Variants in CRADD observed in about 807,000 individuals in gnomAD.
CRADD encodes death domain-containing protein CRADD.
A neutral mutation model predicts 15.5 loss-of-function variants in CRADD; 9 were observed. The observed-to-expected ratio is 0.58, with a 90% CI of 0.35 to 1.01. The LOEUF is 1.01. Among genes scored for constraint, CRADD ranks in the 50% least tolerant of loss-of-function variants. CRADD has a pLI of 0.02. For missense variants in CRADD, 227 were observed against 250.3 expected, an observed-to-expected ratio of 0.91 and a Z score of 0.63; for synonymous variants, 118 against 107.6, an observed-to-expected ratio of 1.10 and a Z score of -0.60.
intron 2 of CRADD, among the ~76,000 whole-genome samples, chr12:93,720,073 A>G (rs1418348848): frequency 2.6e-5 from 4 of 152,074 alleles, no homozygotes; most frequent in Admixed American, 1.3e-4. Flanking sequence ...TTGCATCCAA[A>G]TCCTATGCAT....
At chr12:93,817,342 G>A (rs933182776) in intron 2 of CRADD, among the ~76,000 whole-genome samples, 1 of 152,154 alleles carries the variant, frequency 6.6e-6, no homozygotes, top group Non-Finnish European at 1.5e-5. Context: ...AGTCGGGTTC[G>A]GGACAGGGAA....
chr12:93,702,431 A>G (rs771774170), intron 2 of CRADD, among the ~76,000 whole-genome samples: 1 of 151,924 alleles, frequency 6.6e-6, no homozygotes. Flanking sequence ...AGATTTCCCC[A>G]GATCTTAGTT....
chr12:93,865,996 T>C (rs4761747), intron 2 of CRADD, among the ~76,000 whole-genome samples: 80,939 of 151,870 alleles, frequency 0.53, 21,804 homozygotes, highest in Middle Eastern at 0.62. Context: ...TTTCTAGCAT[T>C]ATTGAGAAGA....
chr12:93,750,407 T>G (rs372893199), intron 2 of CRADD, among the ~76,000 whole-genome samples: 1 of 152,260 alleles, frequency 6.6e-6, no homozygotes. Context: ...TCATTTTAGA[T>G]GTTAACTTAG....
chr12:93,718,971 G>C (rs1956212406), intron 2 of CRADD, among the ~76,000 whole-genome samples: 1 of 152,106 alleles, frequency 6.6e-6, no homozygotes, highest in East Asian at 1.9e-4. Flanking sequence ...TGTTGCCCAG[G>C]CTGGTCTTGA....
chr12:93,734,651 T>C (rs563630187), intron 2 of CRADD, among the ~76,000 whole-genome samples: 37 of 152,306 alleles, frequency 2.4e-4, no homozygotes, highest in Middle Eastern at 6.8e-3. Context: ...CACTGCATCA[T>C]CAGGCCAGTG....
In CRADD at chr12:93,831,763, C is replaced by T. The variant is rs532202329; in HGVS notation, c.299-18207C>T. ...GAGTTAATACCTGCTTGCAGGTTAGCGTCTTTGGGTAGACCCTGTGATCAG... is the reference window on the plus strand; with the variant it reads ...GAGTTAATACCTGCTTGCAGGTTAGTGTCTTTGGGTAGACCCTGTGATCAG... On this transcript the variant is annotated intron_variant, in intron 2 of 2. Coordinates refer to ENST00000332896, the MANE Select transcript of CRADD (RefSeq NM_003805.5). Among the ~76,000 whole-genome samples, 31 of 152,352 alleles carry T rather than the reference C, an allele frequency of 2.0e-4. 1 individual carries two copies. The highest frequency in any genetic ancestry group is 7.0e-4 in the African/African-American group (29 of 41,578).
intron 2 of CRADD, among the ~76,000 whole-genome samples, chr12:93,860,892 C>T (rs1038271849): frequency 2.3e-4 from 35 of 152,126 alleles, no homozygotes; most frequent in African/African-American, 8.4e-4. Flanking sequence ...CTGCTTTAAC[C>T]AAATATTTTC....
chr12:93,705,910 T>C (rs1450947497), intron 2 of CRADD, among the ~76,000 whole-genome samples: 2 of 152,218 alleles, frequency 1.3e-5, no homozygotes, highest in Non-Finnish European at 2.9e-5. Flanking sequence ...TGAGTACATG[T>C]TTTTAAACAT....
intron 2 of CRADD, among the ~76,000 whole-genome samples, chr12:93,806,079 A>AT (rs1457113681): frequency 6.6e-6 from 1 of 152,154 alleles, no homozygotes; most frequent in Non-Finnish European, 1.5e-5. Context: ...GCCTCGGGAA[A>AT]TTTAACAGGT....
chr12:93,764,911 A>G (rs1000312471), intron 2 of CRADD, among the ~76,000 whole-genome samples: 4 of 152,020 alleles, frequency 2.6e-5, no homozygotes, highest in African/African-American at 9.7e-5. Context: ...TATATAAATG[A>G]AAGGCATCTA....
rs570879405 is a variant in CRADD at position 93,758,562 on chromosome 12, A to C, written c.298+79490A>C. 1.5e-4 allele frequency among the ~76,000 whole-genome samples: 23 copies of C among 152,100 alleles called. No individual in the cohort carries two copies. The South Asian group carries it at 4.8e-3, about 32-fold the overall frequency. ...GTTATTAATATAATTATGACTTTTA[A>C]TTCTTTTAATTAAAATATTTGTGGT... On this transcript the variant is annotated intron_variant, in intron 2 of 2. Transcript: ENST00000332896.
chr12:93,771,557 G>T (rs1485886), intron 2 of CRADD, among the ~76,000 whole-genome samples: 86,885 of 152,022 alleles, frequency 0.57, 25,804 homozygotes, highest in East Asian at 0.89. Flanking sequence ...ACCAGTATAC[G>T]TTTGTTACTG....
exon 3 of CRADD, chr12:93,894,084 T>G (rs1224557174): frequency 1.4e-6 from 1 of 702,530 alleles, no homozygotes; most frequent in South Asian, 1.5e-5. Flanking sequence ...ATTCTGTTAC[T>G]TGCCTGGCTT....
In CRADD at chr12:93,859,893, ATTTTTT is replaced by A. The variant is rs11295660; in HGVS notation, c.299-34147_299-34142del. 5.4e-5 allele frequency among the ~76,000 whole-genome samples: 8 copies of A among 147,138 alleles called. No homozygotes were observed. In the East Asian group the frequency reaches 1.6e-3, roughly 29 times the overall value. On this transcript the variant is annotated intron_variant, in intron 2 of 2. Coordinates refer to the CRADD transcript ENST00000548483. Reference sequence around the variant, plus strand: ...ACAGGCGCACCACCCCGACCAGCTAATTTTTTTTTTTTTTTATATAGAGATGGGGTC... The same window carrying A: ...ACAGGCGCACCACCCCGACCAGCTAATTTTTTTTTATATAGAGATGGGGTC...
At position 93,769,773 on chromosome 12, in the gene CRADD, T is replaced by G. The variant is rs545200886; in HGVS notation, c.299-80197T>G. Among the ~76,000 whole-genome samples, 3 of 152,374 alleles carry G rather than the reference T, an allele frequency of 2.0e-5. No individual in the cohort carries two copies. The South Asian group carries it at 6.2e-4, about 32-fold the overall frequency. ...ACATTTTCATATGTTTATTGACCAT[T>G]TGGATGTCTTTTGGGTGGGCATGTT... is the stretch of plus-strand genomic sequence containing the variant. On this transcript the variant is annotated intron_variant, in intron 2 of 2. Coordinates refer to ENST00000332896, the MANE Select transcript of CRADD (RefSeq NM_003805.5).
intron 2 of CRADD, among the ~76,000 whole-genome samples, chr12:93,806,433 CAG>C (rs1400966946): frequency 1.7e-5 from 2 of 116,420 alleles, no homozygotes; most frequent in South Asian, 6.0e-4. Flanking sequence ...GCCTAGGCGA[CAG>C]AGCGAGACTC....
intron 2 of CRADD, among the ~76,000 whole-genome samples, chr12:93,882,411 ACT>A (rs930068011): frequency 1.5e-5 from 2 of 135,784 alleles, no homozygotes; most frequent in African/African-American, 5.8e-5. Context: ...ACAGAGCGAG[ACT>A]CTGTCTCAAA....
At position 93,850,194 on chromosome 12, in the gene CRADD, G is replaced by A; in HGVS notation, c.523G>A (p.Ala175Thr). The change falls in exon 3 of 3, where the codon GCC (alanine) becomes ACC (threonine). Residue 175 changes from alanine (A) to threonine (T), a missense_variant. Ala to Thr is a moderately conservative substitution (Grantham distance 58). Coordinates refer to ENST00000332896, the MANE Select transcript of CRADD (RefSeq NM_003805.5). This position sits in a 1 kb window ranked among gnomAD's most constrained non-coding sequence, Gnocchi z 4.0. ...IRWRQRFGKQ[A>T]TFQSLHNGLR... ...TTGGCGGCAGCGCTTCGGGAAGCAG[G>A]CCACCTTCCAGAGCCTGCACAACGG... The A allele has an allele frequency of 6.2e-7, 1 of 1,613,550 alleles. No homozygotes were observed. The highest frequency in any genetic ancestry group is 8.5e-7 in the Non-Finnish European group (1 of 1,179,702).
Sources: gnomAD v4.1 joint callset for allele counts (sites outside exome capture counted in the v4.1 genomes callset) on GRCh38, gnomAD v4.1.1 for gene constraint, Gnocchi (gnomAD v3.1) non-coding constraint, MANE v1.5 for transcripts, NCBI Gene and HGNC (gene_info 2026-07-23, HGNC 2026-07-21) for gene names.